NEMF: variants seen among roughly 807,000 people sequenced by gnomAD.
NEMF encodes nuclear export mediator factor.
A neutral mutation model predicts 162.2 loss-of-function variants in NEMF; 89 were observed. That is an observed-to-expected ratio of 0.55 (90% CI 0.46 to 0.65). The LOEUF is 0.65. Ranked by LOEUF, NEMF falls within the 30% of genes least tolerant of loss-of-function variation. The pLI is 0.00. For missense variants in NEMF, 1,133 were observed against 1,261.9 expected, an observed-to-expected ratio of 0.90 and a Z score of 1.55; for synonymous variants, 421 against 404.5, an observed-to-expected ratio of 1.04 and a Z score of -0.49.
rs71118803 is a variant in NEMF, at chr14:49,806,256, ATTT to A, written c.1745-126_1745-124del. The A allele has an allele frequency of 2.9e-3, 110 of 38,502 alleles. 1 individual carries two copies. Among genetic ancestry groups the A allele is most frequent in the South Asian group, 0.02 (13 of 664 alleles). 2.4% of individuals were successfully genotyped at this position (38,502 alleles called of 1,614,324 possible). On this transcript the variant is annotated intron_variant, in intron 18 of 32. Coordinates refer to ENST00000298310, the MANE Select transcript of NEMF (RefSeq NM_004713.6). Reference sequence around the variant, plus strand: ...TGTATATATATATATATATATATATATTTTTTTTTTTTTTTTTTTTTTTGAGAT... The same window carrying A: ...TGTATATATATATATATATATATATATTTTTTTTTTTTTTTTTTTTGAGAT...
At position 49,791,734 on chromosome 14, in the gene NEMF, TTAAAAAA is replaced by T. The variant is rs776016956; in HGVS notation, c.2620-2168_2620-2162del. On this transcript the variant is annotated intron_variant, in intron 26 of 32. Coordinates refer to ENST00000298310, the MANE Select transcript of NEMF (RefSeq NM_004713.6). ...CCTGGGCAACAGAGCGAGACTCCAT[TTAAAAAA>T]AAAAAAAAAAAAAAAAAATTCACTG... is the stretch of plus-strand genomic sequence containing the variant. 1.2e-3 allele frequency among the ~76,000 whole-genome samples: 18 copies of T among 15,064 alleles called. No individual in the cohort carries two copies. In the East Asian group the frequency reaches 0.015, roughly 12 times the overall value. 9.9% of individuals were successfully genotyped at this position (15,064 alleles called of 152,430 possible).
intron 16 of NEMF, among the ~76,000 whole-genome samples, chr14:49,825,559 G>C (rs894911894): frequency 2.0e-5 from 3 of 152,086 alleles, no homozygotes; most frequent in Non-Finnish European, 4.4e-5. Context: ...AACAAAGTGA[G>C]ACCCTGCCTC....
chr14:49,799,227 A>AAAAAAAAAAAGG (rs1566658080), intron 25 of NEMF, among the ~76,000 whole-genome samples: 2 of 149,930 alleles, frequency 1.3e-5, no homozygotes, highest in Admixed American at 1.3e-4. Flanking sequence ...AAAAAAAAAA[A>AAAAAAAAAAAGG]AAAAAAGGAA....
intron 4 of NEMF, among the ~76,000 whole-genome samples, chr14:49,843,041 A>T (rs190897165): frequency 3.4e-4 from 52 of 152,212 alleles, no homozygotes; most frequent in African/African-American, 1.1e-3. Flanking sequence ...GAAAGAGTAA[A>T]AACTCAGGTT....
chr14:49,832,275 T>C lies in NEMF; in HGVS notation c.738A>G (p.Gly246=), dbSNP rs759693819. Residue 246 remains glycine (G), a splice_region_variant and synonymous_variant, in exon 9 of 33, where the codon GGA becomes GGG. Transcript: ENST00000298310. ...TTATTTCTCTTTTCTGAATGATATA[T>C]CCCTACAAAAATGCAACATTAAAAT... ...MKTTSNFSGK[G]YIIQKREIKP... 1 of 1,575,312 alleles carries C rather than the reference T, an allele frequency of 6.3e-7. No homozygotes were observed. The highest frequency in any genetic ancestry group is 8.7e-7 in the Non-Finnish European group (1 of 1,151,866).
At chr14:49,832,761 A>G (rs3100905) in intron 8 of NEMF, among the ~76,000 whole-genome samples, 147,618 of 152,272 alleles carry the variant, frequency 0.97, 71,741 homozygotes, top group East Asian at 1. Context: ...ATAAGCTACT[A>G]GGTAATTCAA....
chr14:49,837,336 T>C (rs1892954524), intron 6 of NEMF, among the ~76,000 whole-genome samples: 1 of 152,056 alleles, frequency 6.6e-6, no homozygotes, highest in Non-Finnish European at 1.5e-5. Flanking sequence ...CTGTACTACC[T>C]GATTTCAAAC....
chr14:49,790,279 G>A (rs546563452), intron 26 of NEMF, among the ~76,000 whole-genome samples: 59 of 152,064 alleles, frequency 3.9e-4, no homozygotes, highest in Non-Finnish European at 7.9e-4. Context: ...TGTGAAAAAC[G>A]CTTGCAATAC....
intron 32 of NEMF, 75 bp downstream of exon 32, chr14:49,784,849 TA>T: frequency 6.9e-7 from 1 of 1,449,736 alleles, no homozygotes; most frequent in Non-Finnish European, 9.6e-7. Flanking sequence ...CATTTTCTAC[TA>T]AAATAACAAA....
intron 16 of NEMF, chr14:49,820,189 A>T: frequency 7.0e-6 from 2 of 287,592 alleles, no homozygotes; most frequent in Non-Finnish European, 1.4e-5. Context: ...TGATCTTGTC[A>T]TCTGCCCGCC....
chr14:49,790,978 A>G (rs1890413889), intron 26 of NEMF, among the ~76,000 whole-genome samples: 1 of 151,970 alleles, frequency 6.6e-6, no homozygotes, highest in African/African-American at 2.4e-5. Context: ...GGGCAACAAG[A>G]GTAAAACTCT....
intron 18 of NEMF, 65 bp from the exon 19 acceptor site, chr14:49,806,198 A>G: frequency 2.3e-6 from 2 of 879,562 alleles, no homozygotes; most frequent in Non-Finnish European, 3.5e-6. Flanking sequence ...AAGATATGAA[A>G]ATCACATGCC....
At chr14:49,786,838 G>T in intron 28 of NEMF, 88 bp from the exon 29 acceptor site, 1 of 1,212,286 alleles carries the variant, frequency 8.2e-7, no homozygotes, top group Non-Finnish European at 1.2e-6. Flanking sequence ...AAGAAACAGT[G>T]ATACAACCAG....
At chr14:49,818,561 A>C (rs543184446) in intron 16 of NEMF, 1 of 152,342 alleles carries the variant, frequency 6.6e-6, no homozygotes, top group South Asian at 2.1e-4. Flanking sequence ...TCTGTTCAAG[A>C]AGCAGTTAGT....
Position 49,800,643 on chromosome 14 carries a change from C to T in NEMF, c.2149G>A (p.Glu717Lys). The T allele has an allele frequency of 6.2e-7, 1 of 1,613,872 alleles. No homozygotes were observed. Among genetic ancestry groups the T allele is most frequent in the Non-Finnish European group, 8.5e-7 (1 of 1,179,872 alleles). The change falls in exon 23 of 33, where the codon GAA becomes AAA. Residue 717 changes from glutamate to lysine, a missense_variant. Around this residue, in one of 3 missense-constraint regions of NEMF, gnomAD observed 532 missense variants for 578.6 expected, o/e 0.92. Transcript: ENST00000298310. ...TCAACCTGAGTCATGAGTTCTACTT[C>T]CACAGGAGTTTCATGTTCTTCTTTA... is the stretch of plus-strand genomic sequence containing the variant. ...EDKEEHETPV[E>K]VELMTQVDQE...
chr14:49,844,118 A>C (rs550998167), intron 4 of NEMF, among the ~76,000 whole-genome samples: 1 of 151,166 alleles, frequency 6.6e-6, no homozygotes, highest in Admixed American at 6.6e-5. Flanking sequence ...AAACCAAAAC[A>C]AAACAAAAAA....
At chr14:49,791,322 A>T (rs551795926) in intron 26 of NEMF, among the ~76,000 whole-genome samples, 1 of 151,966 alleles carries the variant, frequency 6.6e-6, no homozygotes, top group South Asian at 2.1e-4. Context: ...CTGGCAACAC[A>T]GTGAGAACCC....
rs897248827 is a variant in NEMF at position 49,834,210 on chromosome 14, C to A, written c.661+153G>T. 3.1e-5 allele frequency: 19 copies of A among 612,486 alleles called. No individual in the cohort carries two copies. In the East Asian group the frequency reaches 5.4e-4, roughly 17 times the overall value. 37.9% of individuals were successfully genotyped at this position (612,486 alleles called of 1,614,324 possible). On this transcript the variant is annotated intron_variant, in intron 7 of 32. Transcript: ENST00000298310. ...GGCTTAAGTGATCCTCCCACCTTAG[C>A]CTCCCAAAGTGCTGGGATTGCAGGC... is the stretch of plus-strand genomic sequence containing the variant.
rs1400712193 is a variant in NEMF at position 49,784,028 on chromosome 14, C to G, written c.*608G>C. On this transcript the variant is annotated 3_prime_UTR_variant, in exon 33 of 33. Transcript: ENST00000298310. ...TAGTTTAAGCAATCAAGCCACTTCACTGTTCAGTTTCTTTACATCATGAAA... is the reference window on the plus strand; with the variant it reads ...TAGTTTAAGCAATCAAGCCACTTCAGTGTTCAGTTTCTTTACATCATGAAA... 6.6e-6 allele frequency: 1 copy of G among 151,926 alleles called. No homozygotes were observed. The highest frequency in any genetic ancestry group is 1.5e-5 in the Non-Finnish European group (1 of 67,946). The allele number at this position is 151,926 out of a possible 1,614,324, so 9.4% of individuals were successfully genotyped here. A position where few individuals can be genotyped will look rare whatever the true frequency, so the allele number is the denominator to read the frequency against.
Sources: allele counts gnomAD v4.1 joint callset (sites outside exome capture counted in the v4.1 genomes callset), GRCh38; gene constraint gnomAD v4.1.1; regional missense constraint gnomAD v4.1.1; transcripts MANE v1.5; gene names NCBI Gene and HGNC (gene_info 2026-07-23, HGNC 2026-07-21).